ULK4: variants seen among roughly 807,000 people sequenced by gnomAD.
ULK4 encodes unc-51 like kinase 4, also known as inactive serine/threonine-protein kinase ULK4.
ULK4 carries 133 observed loss-of-function variants against 160.6 expected under a neutral mutation model. That is an observed-to-expected ratio of 0.83 (90% CI 0.72 to 0.96). The LOEUF is 0.96. ULK4 is among the 40% of genes least tolerant of loss of function. The pLI, the probability that ULK4 is intolerant of heterozygous loss-of-function variation, is 0.00. For missense variants in ULK4, 1,580 were observed against 1,499.5 expected (o/e 1.05, Z -0.89); for synonymous variants, 534 against 539.8 (o/e 0.99, Z 0.15).
At chr3:41,766,041 C>A (rs1239479987) in intron 21 of ULK4, among the ~76,000 whole-genome samples, 4 of 152,040 alleles carry the variant, frequency 2.6e-5, no homozygotes, top group African/African-American at 4.8e-5. Context: ...GAGGCCAAAG[C>A]GGGTGGATCA....
intron 30 of ULK4, among the ~76,000 whole-genome samples, chr3:41,641,077 G>A (rs2034168475): frequency 6.6e-6 from 1 of 152,112 alleles, no homozygotes; most frequent in African/African-American, 2.4e-5. Context: ...GTTTGACCCG[G>A]ACCCCAGCCT....
chr3:41,794,685 A>AAAAAAAAAC (rs1553654846), intron 20 of ULK4, among the ~76,000 whole-genome samples: 3 of 129,028 alleles, frequency 2.3e-5, no homozygotes, highest in African/African-American at 3.2e-5. Flanking sequence ...AAAAAAAAAA[A>AAAAAAAAAC]ACACAGAAAA....
intron 32 of ULK4, among the ~76,000 whole-genome samples, chr3:41,551,914 T>C (rs1316358694): frequency 6.6e-6 from 1 of 151,938 alleles, no homozygotes; most frequent in East Asian, 1.9e-4. Flanking sequence ...GATAATGCAC[T>C]GTGACCAGGT....
At chr3:41,694,932 C>T (rs1456827687) in intron 27 of ULK4, among the ~76,000 whole-genome samples, 2 of 152,124 alleles carry the variant, frequency 1.3e-5, no homozygotes, top group African/African-American at 4.8e-5. Flanking sequence ...ATGTGTTAGT[C>T]TACTCAGGCT....
intron 25 of ULK4, among the ~76,000 whole-genome samples, 155 bp from the exon 26 acceptor site, chr3:41,705,460 A>G (rs760450347): frequency 2.6e-4 from 39 of 152,128 alleles, no homozygotes; most frequent in Non-Finnish European, 5.0e-4. Flanking sequence ...TATAGTTACA[A>G]AAGTATATTA....
chr3:41,524,435 C>A (rs1161365712), intron 32 of ULK4, among the ~76,000 whole-genome samples: 1 of 152,120 alleles, frequency 6.6e-6, no homozygotes, highest in Non-Finnish European at 1.5e-5. Context: ...CCAGTAGTGA[C>A]CCTGGAAACA....
At chr3:41,646,894 T>C (rs1039914768) in intron 30 of ULK4, among the ~76,000 whole-genome samples, 2 of 152,304 alleles carry the variant, frequency 1.3e-5, no homozygotes, top group African/African-American at 4.8e-5. Context: ...GTTCATTTCT[T>C]TTTATTCATT....
At chr3:41,596,103 G>A (rs939234325) in intron 31 of ULK4, among the ~76,000 whole-genome samples, 1 of 152,184 alleles carries the variant, frequency 6.6e-6, no homozygotes, top group Non-Finnish European at 1.5e-5. Flanking sequence ...TACATCGGGG[G>A]GATGACAAGA....
intron 17 of ULK4, among the ~76,000 whole-genome samples, chr3:41,855,846 T>G (rs535235751): frequency 1.3e-5 from 2 of 152,308 alleles, no homozygotes; most frequent in South Asian, 4.1e-4. Context: ...CAAGGATTAC[T>G]AACTTACACT....
At chr3:41,427,148 A>T (rs972727018) in intron 34 of ULK4, among the ~76,000 whole-genome samples, 3 of 152,240 alleles carry the variant, frequency 2.0e-5, no homozygotes, top group African/African-American at 7.2e-5. Context: ...TATTCAAATA[A>T]ACTAGAGAAT....
intron 17 of ULK4, among the ~76,000 whole-genome samples, chr3:41,881,468 A>G (rs751493130): frequency 6.6e-6 from 1 of 152,198 alleles, no homozygotes; most frequent in Non-Finnish European, 1.5e-5. Context: ...AATTGCTCAC[A>G]GCAGGAATTA....
At chr3:41,686,220 C>T (rs1033842509) in intron 27 of ULK4, among the ~76,000 whole-genome samples, 4 of 152,104 alleles carry the variant, frequency 2.6e-5, no homozygotes, top group African/African-American at 4.8e-5. Flanking sequence ...GATTTTGTCA[C>T]TGCCACTATC....
chr3:41,540,214 C>T (rs1160893745), intron 32 of ULK4, among the ~76,000 whole-genome samples: 1 of 152,038 alleles, frequency 6.6e-6, no homozygotes, highest in African/African-American at 2.4e-5. Flanking sequence ...CCCCTATTCC[C>T]CATCCCCCAA....
chr3:41,788,636 G>A (rs2040063668), intron 21 of ULK4, among the ~76,000 whole-genome samples: 1 of 151,834 alleles, frequency 6.6e-6, no homozygotes, highest in Admixed American at 6.6e-5. Flanking sequence ...CTTGCAGTGA[G>A]CTGAGATCAC....
At chr3:41,575,678 G>A (rs960241035) in intron 31 of ULK4, among the ~76,000 whole-genome samples, 1 of 152,198 alleles carries the variant, frequency 6.6e-6, no homozygotes, top group Non-Finnish European at 1.5e-5. Context: ...ATTCCAGCTG[G>A]CACAGAAGGG....
At chr3:41,249,702 C>T (rs1056526134) in intron 35 of ULK4, 128 bp from the exon 36 acceptor site, 5 of 884,946 alleles carry the variant, frequency 5.7e-6, no homozygotes, top group African/African-American at 1.7e-5. Context: ...GGGGTGTCCC[C>T]TGGGCTTGTC....
chr3:41,381,453 T>G (rs2081650373), intron 35 of ULK4, among the ~76,000 whole-genome samples: 1 of 152,192 alleles, frequency 6.6e-6, no homozygotes, highest in Non-Finnish European at 1.5e-5. Flanking sequence ...GCATCTTAAA[T>G]GTAAAATGTT....
At chr3:41,622,716 T>C (rs770530412) in intron 30 of ULK4, among the ~76,000 whole-genome samples, 4 of 152,186 alleles carry the variant, frequency 2.6e-5, no homozygotes, top group Admixed American at 1.3e-4. Context: ...TGTATACCTA[T>C]GTAACAAACT....
At chr3:41,579,638 C>T (rs1559410108) in intron 31 of ULK4, among the ~76,000 whole-genome samples, 5 of 151,884 alleles carry the variant, frequency 3.3e-5, no homozygotes, top group East Asian at 2.0e-4. Context: ...GGACTACAGG[C>T]GCGCGCCTCC....
Sources: allele counts gnomAD v4.1 joint callset (sites outside exome capture counted in the v4.1 genomes callset), GRCh38; gene constraint gnomAD v4.1.1; transcripts MANE v1.5; gene names NCBI Gene and HGNC (gene_info 2026-07-23, HGNC 2026-07-21).